Variants in MAGI2 observed in about 807,000 individuals in gnomAD.
MAGI2 encodes membrane-associated guanylate kinase, WW and PDZ domain-containing protein 2.
In MAGI2, 35 loss-of-function variants were observed where a neutral mutation model predicts 133.3. That is an observed-to-expected ratio of 0.26 (90% CI 0.20 to 0.35). The LOEUF is 0.35. Among genes scored for constraint, MAGI2 ranks in the 10% least tolerant of loss-of-function variants. MAGI2 has a pLI of 1.00. For missense variants in MAGI2, 1,636 were observed against 1,863.4 expected, an observed-to-expected ratio of 0.88 and a Z score of 2.25; for synonymous variants, 729 against 710.6, an observed-to-expected ratio of 1.03 and a Z score of -0.41.
At chr7:79,095,696 C>CA (rs1817454628) in intron 1 of MAGI2, among the ~76,000 whole-genome samples, 4 of 152,282 alleles carry the variant, frequency 2.6e-5, no homozygotes, top group East Asian at 1.9e-4. Context: ...AATTTACCAT[C>CA]TTTATATGAC....
intron 2 of MAGI2, among the ~76,000 whole-genome samples, chr7:78,974,349 G>A (rs1161922203): frequency 1.3e-5 from 2 of 151,842 alleles, no homozygotes; most frequent in Non-Finnish European, 2.9e-5. Flanking sequence ...TAGCTCTAAT[G>A]TCTGACTTCT....
intron 1 of MAGI2, among the ~76,000 whole-genome samples, chr7:79,374,621 A>G (rs2129137059): frequency 6.6e-6 from 1 of 152,152 alleles, no homozygotes; most frequent in South Asian, 2.1e-4. Context: ...TATACAATAT[A>G]CATGTAATAT....
chr7:78,032,859 T>C (rs2471611), intron 21 of MAGI2, among the ~76,000 whole-genome samples: 4,142 of 152,102 alleles, frequency 0.027, 192 homozygotes, highest in African/African-American at 0.093. Flanking sequence ...GCAAAGATCC[T>C]GATGAGAGAG....
intron 2 of MAGI2, among the ~76,000 whole-genome samples, chr7:78,787,201 C>G (rs573319861): frequency 1.3e-5 from 2 of 152,144 alleles, no homozygotes; most frequent in Non-Finnish European, 2.9e-5. Context: ...CCGCCTTGGC[C>G]TCCCAAAGTG....
At chr7:78,912,346 G>C (rs1056901492) in intron 2 of MAGI2, among the ~76,000 whole-genome samples, 1 of 152,140 alleles carries the variant, frequency 6.6e-6, no homozygotes, top group Non-Finnish European at 1.5e-5. Context: ...TGGTGTGATG[G>C]TTAATGCTGA....
At chr7:78,720,449 A>G (rs1024449497) in intron 2 of MAGI2, among the ~76,000 whole-genome samples, 2 of 152,098 alleles carry the variant, frequency 1.3e-5, no homozygotes, top group Non-Finnish European at 2.9e-5. Context: ...TGAAGCTGAC[A>G]TTTAAATCTG....
chr7:78,936,568 C>T (rs1202793417), intron 2 of MAGI2, among the ~76,000 whole-genome samples: 2 of 151,828 alleles, frequency 1.3e-5, no homozygotes, highest in African/African-American at 4.8e-5. Flanking sequence ...GCCAACAAAA[C>T]CTGAAAAGAA....
At chr7:79,000,045 G>A (rs540870376) in intron 2 of MAGI2, among the ~76,000 whole-genome samples, 21 of 152,244 alleles carry the variant, frequency 1.4e-4, no homozygotes, top group East Asian at 1.4e-3. Context: ...ACAGATGTAC[G>A]ATATACAGCT....
chr7:79,293,713 G>A (rs1036083421), intron 1 of MAGI2, among the ~76,000 whole-genome samples: 2 of 152,172 alleles, frequency 1.3e-5, no homozygotes, highest in African/African-American at 2.4e-5. Context: ...CACTGGTCAA[G>A]GGACAGAGCT....
rs117997142 is a variant in MAGI2 at position 78,087,119 on chromosome 7, G to A, written c.3568-8034C>T. Among the ~76,000 whole-genome samples the A allele has an allele frequency of 5.9e-3, 896 of 152,232 alleles. 22 individuals carry two copies. Among genetic ancestry groups the A allele is most frequent in the Admixed American group, 0.04 (606 of 15,300 alleles). Reference sequence around the variant, plus strand: ...AGCCTTTTATGATCCCAGCAGTCTGGGTTGGGTGCCTTTTCTGTGCATTTC... The same window carrying A: ...AGCCTTTTATGATCCCAGCAGTCTGAGTTGGGTGCCTTTTCTGTGCATTTC... On this transcript the variant is annotated intron_variant, in intron 20 of 21. Coordinates refer to ENST00000354212, the MANE Select transcript of MAGI2 (RefSeq NM_012301.4).
chr7:79,070,229 C>G (rs1193958953), intron 1 of MAGI2, among the ~76,000 whole-genome samples: 1 of 152,088 alleles, frequency 6.6e-6, no homozygotes, highest in Non-Finnish European at 1.5e-5. Flanking sequence ...CTCCCCATCA[C>G]TTTCAGGTAC....
chr7:78,072,303 C>A (rs1814795568), intron 21 of MAGI2, among the ~76,000 whole-genome samples: 1 of 152,206 alleles, frequency 6.6e-6, no homozygotes, highest in Admixed American at 6.5e-5. Context: ...TTGTTAAATT[C>A]TACAAATAAT....
At chr7:79,192,187 A>G (rs1827733287) in intron 1 of MAGI2, among the ~76,000 whole-genome samples, 1 of 151,856 alleles carries the variant, frequency 6.6e-6, no homozygotes, top group Non-Finnish European at 1.5e-5. Flanking sequence ...ACTTATCACC[A>G]TTTGACGTAC....
chr7:78,545,212 C>CTTTTTT (rs71085537), intron 3 of MAGI2, among the ~76,000 whole-genome samples: 2 of 83,128 alleles, frequency 2.4e-5, no homozygotes, highest in African/African-American at 5.0e-5. Flanking sequence ...TAACCTGATT[C>CTTTTTT]TTTTTTTTTT....
chr7:78,582,824 C>T (rs1369066321), intron 3 of MAGI2, among the ~76,000 whole-genome samples: 1 of 152,154 alleles, frequency 6.6e-6, no homozygotes, highest in African/African-American at 2.4e-5. Context: ...ATAGAAAATA[C>T]ACCCACCTTA....
At chr7:78,669,689 C>G (rs1181100034) in intron 2 of MAGI2, among the ~76,000 whole-genome samples, 1 of 150,052 alleles carries the variant, frequency 6.7e-6, no homozygotes, top group Admixed American at 6.7e-5. Flanking sequence ...ACTGGCAAAC[C>G]GAATCCAGCA....
chr7:79,275,904 T>C (rs2129557562), intron 1 of MAGI2, among the ~76,000 whole-genome samples: 1 of 152,310 alleles, frequency 6.6e-6, no homozygotes, highest in African/African-American at 2.4e-5. Flanking sequence ...GCCCAATGTT[T>C]GAGACCTACT....
At chr7:79,178,604 C>T (rs1452419033) in intron 1 of MAGI2, among the ~76,000 whole-genome samples, 1 of 151,322 alleles carries the variant, frequency 6.6e-6, no homozygotes, top group Non-Finnish European at 1.5e-5. Context: ...CCCAGCTACT[C>T]AGGAGGCTGA....
chr7:78,250,771 C>A (rs1276446805), intron 10 of MAGI2, among the ~76,000 whole-genome samples: 1 of 151,986 alleles, frequency 6.6e-6, no homozygotes, highest in African/African-American at 2.4e-5. Context: ...AATAAAAGCT[C>A]AGACTAGATG....
Sources: gnomAD v4.1 joint callset for allele counts (sites outside exome capture counted in the v4.1 genomes callset) on GRCh38, gnomAD v4.1.1 for gene constraint, MANE v1.5 for transcripts, NCBI Gene and HGNC (gene_info 2026-07-23, HGNC 2026-07-21) for gene names.